The following CD46 variants were observed in gnomAD, a reference collection of about 807,000 sequenced individuals.
CD46 encodes the protein membrane cofactor protein.
Under a neutral mutation model 53.3 loss-of-function variants are expected in CD46, and 30 were observed. That is an observed-to-expected ratio of 0.56 (90% CI 0.42 to 0.76). CD46 has a LOEUF of 0.76. Among genes scored for constraint, CD46 ranks in the 30% least tolerant of loss-of-function variants. The pLI, the probability that CD46 is intolerant of heterozygous loss-of-function variation, is 0.00. For missense variants in CD46, 409 were observed against 463.0 expected, an observed-to-expected ratio of 0.88 and a Z score of 1.07; for synonymous variants, 142 against 152.0, an observed-to-expected ratio of 0.93 and a Z score of 0.48.
intron 8 of CD46, among the ~76,000 whole-genome samples, chr1:207,773,762 T>C (rs576130280): frequency 3.0e-4 from 45 of 152,352 alleles, no homozygotes; most frequent in Admixed American, 9.8e-4. Context: ...TTTGTTGTGA[T>C]TTCTGTTCTT....
chr1:207,786,921 C>T (rs1351085824), intron 11 of CD46, among the ~76,000 whole-genome samples: 2 of 152,144 alleles, frequency 1.3e-5, no homozygotes, highest in South Asian at 2.1e-4. Flanking sequence ...ATAAGGTTTG[C>T]GTAGAAACAA....
intron 8 of CD46, among the ~76,000 whole-genome samples, chr1:207,782,886 CTCG>C (rs1408084889): frequency 6.6e-6 from 1 of 151,344 alleles, no homozygotes; most frequent in Admixed American, 6.6e-5. Flanking sequence ...AACTCCTGAC[CTCG>C]TGATCCGCCT....
At chr1:207,781,614 G>C (rs778507759) in intron 8 of CD46, among the ~76,000 whole-genome samples, 1 of 152,052 alleles carries the variant, frequency 6.6e-6, no homozygotes, top group Non-Finnish European at 1.5e-5. Context: ...ATATGATAAG[G>C]GTCCAGCTTC....
chr1:207,761,718 CA>C (rs5780403), intron 5 of CD46, among the ~76,000 whole-genome samples: 71 of 147,028 alleles, frequency 4.8e-4, no homozygotes, highest in African/African-American at 4.2e-4. Context: ...TTGAAAGAAC[CA>C]AAAAAAAAAA....
At chr1:207,757,358 C>G (rs1351511139) in intron 2 of CD46, among the ~76,000 whole-genome samples, 156 bp downstream of exon 2, 1 of 152,068 alleles carries the variant, frequency 6.6e-6, no homozygotes, top group Non-Finnish European at 1.5e-5. Flanking sequence ...TCAAAATCTC[C>G]AAGAAATCAT....
At chr1:207,785,746 G>A in intron 11 of CD46, 64 bp downstream of exon 11, 3 of 1,044,838 alleles carry the variant, frequency 2.9e-6, no homozygotes, top group Middle Eastern at 2.1e-4. Flanking sequence ...CTTTTGTGCA[G>A]CTTCAGTTTG....
chr1:207,793,783 G>T lies in CD46; in HGVS notation c.*306G>T. On this transcript the variant is annotated 3_prime_UTR_variant, in exon 13 of 13. Coordinates refer to ENST00000367042, the MANE Select transcript of CD46 (RefSeq NM_172351.3). Reference sequence around the variant, plus strand: ...GAATTTGGGTATGAACAGATTGCCTGCTTTCCCTTAAATAACACTTAGATT... The same window carrying T: ...GAATTTGGGTATGAACAGATTGCCTTCTTTCCCTTAAATAACACTTAGATT... 1 of 648,852 alleles carries T rather than the reference G, an allele frequency of 1.5e-6. No individual in the cohort carries two copies. The highest frequency in any genetic ancestry group is 2.8e-6 in the Non-Finnish European group (1 of 351,418). The allele number at this position is 648,852 out of a possible 1,614,324, so 40.2% of individuals were successfully genotyped here.
At chr1:207,774,728 C>T (rs1430281622) in intron 8 of CD46, among the ~76,000 whole-genome samples, 1 of 152,168 alleles carries the variant, frequency 6.6e-6, no homozygotes, top group African/African-American at 2.4e-5. Context: ...TTTTAAGGCT[C>T]GTAGGGTTTC....
At chr1:207,779,320 T>C (rs1021525828) in intron 8 of CD46, among the ~76,000 whole-genome samples, 5 of 152,182 alleles carry the variant, frequency 3.3e-5, no homozygotes, top group Non-Finnish European at 7.4e-5. Context: ...ATCAACATAC[T>C]TTTATGTGTA....
intron 5 of CD46, among the ~76,000 whole-genome samples, chr1:207,763,526 GTC>G (rs1227881126): frequency 6.6e-6 from 1 of 152,162 alleles, no homozygotes; most frequent in Admixed American, 6.5e-5. Context: ...CACTTTTCGT[GTC>G]TCTCGGAGAC....
intron 1 of CD46, among the ~76,000 whole-genome samples, chr1:207,754,358 G>A (rs1419934325): frequency 1.3e-5 from 2 of 152,086 alleles, no homozygotes; most frequent in African/African-American, 2.4e-5. Flanking sequence ...CACCCTCAGA[G>A]ACCTTCTCTG....
Position 207,757,606 on chromosome 1 carries a change from A to G in CD46, c.353A>G (p.Glu118Gly). The part of the protein sequence containing the change: ...GQAVPANGTY[E>G]FGYQMHFICN... The stretch of plus-strand genomic sequence containing the variant: ...GCAGTCCCTGCAAATGGGACTTACG[A>G]GTTTGGTTATCAGATGCACTTTATT... Residue 118 changes from glutamate (E) to glycine (G), a missense_variant, in exon 3 of 13, where the codon GAG becomes GGG. Coordinates refer to ENST00000367042, the MANE Select transcript of CD46 (RefSeq NM_172351.3). 6.2e-7 allele frequency: 1 copy of G among 1,611,422 alleles called. No individual in the cohort carries two copies. Among genetic ancestry groups the G allele is most frequent in the Non-Finnish European group, 8.5e-7 (1 of 1,178,276 alleles).
intron 5 of CD46, among the ~76,000 whole-genome samples, chr1:207,763,789 T>C (rs778201352): frequency 6.6e-6 from 1 of 152,000 alleles, no homozygotes; most frequent in Admixed American, 6.6e-5. Context: ...GGGATTTTAT[T>C]TTCCAGTGAG....
At chr1:207,790,766 A>C (rs774171894) in intron 12 of CD46, among the ~76,000 whole-genome samples, 10 of 152,248 alleles carry the variant, frequency 6.6e-5, no homozygotes, top group Non-Finnish European at 1.5e-4. Context: ...ATTCCAACGT[A>C]TAAATAACTC....
At chr1:207,758,181 G>T (rs1447725708) in intron 3 of CD46, among the ~76,000 whole-genome samples, 2 of 152,210 alleles carry the variant, frequency 1.3e-5, no homozygotes, top group East Asian at 3.9e-4. Context: ...GTTCTGTAGG[G>T]TTTTGAAGTT....
In CD46 at chr1:207,767,343, A is replaced by G. The variant is rs563587992; in HGVS notation, c.856+148A>G. On this transcript the variant is annotated intron_variant, in intron 6 of 12. Coordinates refer to ENST00000367042, the MANE Select transcript of CD46 (RefSeq NM_172351.3). The stretch of plus-strand genomic sequence containing the variant: ...TTAACTCTGTCTTGTATTCATTTCT[A>G]TGCCAGATGAATGACACGAAATTCA... 6.4e-6 allele frequency: 5 copies of G among 786,692 alleles called. No homozygotes were observed. The South Asian group carries it at 6.4e-5, about 10-fold the overall frequency. 48.7% of individuals were successfully genotyped at this position (786,692 alleles called of 1,614,324 possible).
Position 207,767,067 on chromosome 1 carries a change from G to GA in CD46, c.735dup (p.Phe246IlefsTer10). On this transcript the variant is annotated frameshift_variant, in exon 6 of 13. Transcript: ENST00000367042. LOFTEE classifies it high-confidence loss of function. Reference sequence around the variant, plus strand: ...AATGGAAAACAGATATCAGGATTTGGAAAAAAATTTTACTACAAAGCAACA... The same window carrying GA: ...AATGGAAAACAGATATCAGGATTTGGAAAAAAAATTTTACTACAAAGCAACA... 1 of 1,613,726 alleles carries GA rather than the reference G, an allele frequency of 6.2e-7. No individual in the cohort carries two copies. The highest frequency in any genetic ancestry group is 8.5e-7 in the Non-Finnish European group (1 of 1,179,714).
rs1305613848 is a variant in CD46 at position 207,773,324 on chromosome 1, G to A, written c.943+2962G>A. On this transcript the variant is annotated intron_variant, in intron 8 of 12. Transcript: ENST00000367042. The stretch of plus-strand genomic sequence containing the variant: ...ATTAGTCTTGCTAGCGGTCATTTTT[G>A]TTGATCTTTTCAAAAAACCAGCTCC... Among the ~76,000 whole-genome samples the A allele has an allele frequency of 3.3e-5, 5 of 151,764 alleles. No homozygotes were observed. The South Asian group carries it at 1.0e-3, about 32-fold the overall frequency.
At chr1:207,774,208 CT>C (rs144357038) in intron 8 of CD46, among the ~76,000 whole-genome samples, 35,988 of 148,210 alleles carry the variant, frequency 0.24, 5,292 homozygotes, top group Middle Eastern at 0.36. Context: ...ATTGCAACCC[CT>C]TTTTTTTTTG....
Sources: allele counts gnomAD v4.1 joint callset (sites outside exome capture counted in the v4.1 genomes callset), GRCh38; gene constraint gnomAD v4.1.1; transcripts MANE v1.5; gene names NCBI Gene and HGNC (gene_info 2026-07-23, HGNC 2026-07-21).